Variants in PARD3B observed in about 807,000 individuals in gnomAD.
The protein encoded by PARD3B is partitioning defective 3 homolog B.
Under a neutral mutation model 130.2 loss-of-function variants are expected in PARD3B, and 103 were observed. The observed-to-expected ratio is 0.79, with a 90% CI of 0.67 to 0.93. The LOEUF (loss-of-function observed/expected upper bound fraction) is 0.93. Among genes scored for constraint, PARD3B ranks in the 40% least tolerant of loss-of-function variants. PARD3B has a pLI of 0.00. For synonymous variants in PARD3B, 583 were observed against 553.2 expected, an observed-to-expected ratio of 1.05 and a Z score of -0.76; for missense variants, 1,609 against 1,499.2, an observed-to-expected ratio of 1.07 and a Z score of -1.21.
At chr2:205,197,047 G>GTA (rs1436466844) in intron 15 of PARD3B, among the ~76,000 whole-genome samples, 1,947 of 140,554 alleles carry the variant, frequency 0.014, 29 homozygotes, top group African/African-American at 0.037. Flanking sequence ...GTGTGTGTGT[G>GTA]TGTGTGTGTG....
intron 20 of PARD3B, among the ~76,000 whole-genome samples, chr2:205,474,805 A>G (rs966171456): frequency 1.3e-4 from 20 of 152,172 alleles, no homozygotes; most frequent in African/African-American, 4.8e-4. Context: ...TTTGAGTATC[A>G]TCACTTTCCT....
intron 21 of PARD3B, among the ~76,000 whole-genome samples, chr2:205,515,330 A>G (rs1391690652): frequency 6.6e-6 from 1 of 152,132 alleles, no homozygotes; most frequent in Admixed American, 6.5e-5. Context: ...TTTATGGTAG[A>G]ATGATTTCTA....
intron 18 of PARD3B, among the ~76,000 whole-genome samples, chr2:205,395,938 A>G (rs2046012959): frequency 6.6e-6 from 1 of 152,128 alleles, no homozygotes; most frequent in African/African-American, 2.4e-5. Flanking sequence ...ATGACCTCCC[A>G]TCACTCTTAG....
intron 2 of PARD3B, among the ~76,000 whole-genome samples, chr2:204,928,211 T>C (rs1211041420): frequency 1.3e-5 from 2 of 152,118 alleles, no homozygotes; most frequent in Non-Finnish European, 2.9e-5. Context: ...CTTCATAGGA[T>C]CTTTTATCCT....
chr2:205,509,864 G>A (rs1575202215), intron 21 of PARD3B, among the ~76,000 whole-genome samples: 2 of 152,300 alleles, frequency 1.3e-5, no homozygotes, highest in African/African-American at 4.8e-5. Context: ...GAAGCCTTTT[G>A]TTTCTGGGTC....
chr2:205,014,851 A>T (rs1003280275), intron 3 of PARD3B, among the ~76,000 whole-genome samples: 1 of 152,226 alleles, frequency 6.6e-6, no homozygotes, highest in African/African-American at 2.4e-5. Flanking sequence ...AGTGAAATTT[A>T]AGCTGAGGAC....
intron 4 of PARD3B, among the ~76,000 whole-genome samples, chr2:205,093,508 A>T (rs1322878455): frequency 6.6e-6 from 1 of 152,168 alleles, no homozygotes; most frequent in Non-Finnish European, 1.5e-5. Context: ...AAAGTGGCTC[A>T]TACTGAGTTG....
At chr2:205,557,887 G>A (rs897364613) in intron 22 of PARD3B, among the ~76,000 whole-genome samples, 17 of 151,988 alleles carry the variant, frequency 1.1e-4, no homozygotes, top group Non-Finnish European at 1.5e-4. Context: ...TCCTTTTGGC[G>A]TTGCTTTCCT....
intron 4 of PARD3B, among the ~76,000 whole-genome samples, chr2:205,094,051 A>G (rs891133036): frequency 2.0e-5 from 3 of 152,110 alleles, no homozygotes; most frequent in Non-Finnish European, 2.9e-5. Context: ...ACTTCTCTCC[A>G]TACAGTTGTC....
At position 204,545,611 on chromosome 2, in the gene PARD3B, C is replaced by CGCCAGGGCCAGGGCCAGG. The variant is rs561632177; in HGVS notation, c.-382_-365dup. ...GGCTTGGGGCCGGCCCTGCCAACGCCGCCAGGGCCAGGGCCAGGGCCAGGA... is the reference window on the plus strand; with the variant it reads ...GGCTTGGGGCCGGCCCTGCCAACGCCGCCAGGGCCAGGGCCAGGGCCAGGGCCAGGGCCAGGGCCAGGA... On this transcript the variant is annotated 5_prime_UTR_variant, in exon 1 of 23. Coordinates refer to ENST00000406610, the MANE Select transcript of PARD3B (RefSeq NM_001302769.2). Among the ~76,000 whole-genome samples, 5 of 151,892 alleles carry CGCCAGGGCCAGGGCCAGG rather than the reference C, an allele frequency of 3.3e-5. No individual in the cohort carries two copies. Among genetic ancestry groups the CGCCAGGGCCAGGGCCAGG allele is most frequent in the African/African-American group, 7.2e-5 (3 of 41,420 alleles).
In PARD3B at chr2:205,591,772, G is replaced by A. The variant is rs1221176236; in HGVS notation, c.3261-23684G>A. ...CCAGTCAGATGAGATAAAAAGAGAA[G>A]GTCTGGTGGTTCAGGTCACTGAAGA... On this transcript the variant is annotated intron_variant, in intron 22 of 22. Coordinates refer to ENST00000406610, the MANE Select transcript of PARD3B (RefSeq NM_001302769.2). The surrounding 1 kb of genome is among the most constrained non-coding windows in gnomAD (Gnocchi z 4.2). Among the ~76,000 whole-genome samples the A allele has an allele frequency of 2.0e-5, 3 of 152,138 alleles. No homozygotes were observed. The highest frequency in any genetic ancestry group is 3.2e-3 in the Middle Eastern group (1 of 316).
chr2:204,715,267 A>G (rs896952082), intron 2 of PARD3B, among the ~76,000 whole-genome samples: 21 of 152,192 alleles, frequency 1.4e-4, no homozygotes, highest in African/African-American at 4.3e-4. Flanking sequence ...TGAAGACTGT[A>G]TTTAATCTCA....
intron 4 of PARD3B, among the ~76,000 whole-genome samples, chr2:205,052,363 A>C (rs958410833): frequency 1.3e-5 from 2 of 148,898 alleles, no homozygotes; most frequent in African/African-American, 4.9e-5. Context: ...CTTGTCTTAC[A>C]TCACCAAAAT....
chr2:204,982,188 C>T (rs1408371551), intron 3 of PARD3B, among the ~76,000 whole-genome samples: 2 of 152,182 alleles, frequency 1.3e-5, no homozygotes, highest in East Asian at 3.9e-4. Flanking sequence ...CACATTAGGA[C>T]ACAAGTAGGC....
At chr2:204,811,737 C>T (rs1255220752) in intron 2 of PARD3B, among the ~76,000 whole-genome samples, 2 of 152,114 alleles carry the variant, frequency 1.3e-5, no homozygotes, top group Non-Finnish European at 2.9e-5. Flanking sequence ...TATCCTCTTT[C>T]TCTTACTGTC....
intron 1 of PARD3B, among the ~76,000 whole-genome samples, chr2:204,670,126 C>T (rs1365601168): frequency 6.6e-6 from 1 of 152,162 alleles, no homozygotes; most frequent in African/African-American, 2.4e-5. Context: ...AACTGGGCCA[C>T]TCTTCTGTAC....
intron 4 of PARD3B, among the ~76,000 whole-genome samples, chr2:205,098,362 G>A (rs1426705760): frequency 6.6e-6 from 1 of 152,102 alleles, no homozygotes; most frequent in Non-Finnish European, 1.5e-5. Flanking sequence ...AATTCATTGA[G>A]GGGGAAAAAT....
chr2:205,418,882 A>G (rs1047946691), intron 19 of PARD3B, among the ~76,000 whole-genome samples: 4 of 152,182 alleles, frequency 2.6e-5, no homozygotes, highest in African/African-American at 9.6e-5. Flanking sequence ...AGACAGGCAG[A>G]TAACTTTGGG....
chr2:204,924,020 T>A (rs1687395492), intron 2 of PARD3B, among the ~76,000 whole-genome samples: 1 of 152,076 alleles, frequency 6.6e-6, no homozygotes, highest in Non-Finnish European at 1.5e-5. Flanking sequence ...AGGAAATATT[T>A]TATTAAACTC....
Sources: allele counts gnomAD v4.1 joint callset (sites outside exome capture counted in the v4.1 genomes callset), GRCh38; gene constraint gnomAD v4.1.1; non-coding constraint Gnocchi (gnomAD v3.1); transcripts MANE v1.5; gene names NCBI Gene and HGNC (gene_info 2026-07-23, HGNC 2026-07-21).